Variants in MACROD2 observed in about 807,000 individuals in gnomAD.
The protein encoded by MACROD2 is mono-ADP ribosylhydrolase 2, also known as ADP-ribose glycohydrolase MACROD2.
Under a neutral mutation model 70.4 loss-of-function variants are expected in MACROD2, and 36 were observed. The ratio of observed to expected loss-of-function variants is 0.51; its 90% CI spans 0.39 to 0.68. MACROD2 has a LOEUF of 0.68. Ranked by LOEUF, MACROD2 falls within the 30% of genes least tolerant of loss-of-function variation. The probability of loss-of-function intolerance (pLI) is 0.00; values close to 1 mark genes in which losing one functional copy is unlikely to be tolerated. For synonymous variants in MACROD2, 172 were observed against 178.8 expected (o/e 0.96, Z 0.30); for missense variants, 496 against 538.4 (o/e 0.92, Z 0.78).
chr20:15,100,185 C>A (rs1436183936), intron 5 of MACROD2, among the ~76,000 whole-genome samples: 1 of 152,084 alleles, frequency 6.6e-6, no homozygotes, highest in Admixed American at 6.6e-5. Flanking sequence ...AATCCTCCTG[C>A]CTTGGCCTCC....
rs1339800015 is a variant in MACROD2 at position 14,084,084 on chromosome 20, A to AC, written c.164-1537_164-1536insC. 2.0e-5 allele frequency among the ~76,000 whole-genome samples: 3 copies of AC among 147,724 alleles called. 1 individual carries two copies. The highest frequency in any genetic ancestry group is 7.4e-5 in the African/African-American group (3 of 40,424). On this transcript the variant is annotated intron_variant, in intron 2 of 17. Coordinates refer to ENST00000684519, the MANE Select transcript of MACROD2 (RefSeq NM_001351661.2). ...CTCAAAAAAAAACAAAAAACAAACA[A>AC]AAAAAAACCTTCCGGGAGAGAAGCG...
intron 6 of MACROD2, among the ~76,000 whole-genome samples, chr20:15,353,102 A>G (rs2078246306): frequency 6.6e-6 from 1 of 151,992 alleles, no homozygotes; most frequent in Non-Finnish European, 1.5e-5. Flanking sequence ...ACTTCAAACT[A>G]TACTACAAGG....
intron 4 of MACROD2, among the ~76,000 whole-genome samples, chr20:14,517,844 A>G (rs2085119967): frequency 6.6e-6 from 1 of 151,980 alleles, no homozygotes; most frequent in Admixed American, 6.6e-5. Context: ...TTTCTGGTAT[A>G]TATTTTCTGG....
intron 8 of MACROD2, among the ~76,000 whole-genome samples, chr20:15,525,184 T>C (rs1483146858): frequency 6.6e-6 from 1 of 152,224 alleles, no homozygotes; most frequent in Non-Finnish European, 1.5e-5. Context: ...AGAAAGGAAC[T>C]CTTGTTACCT....
At chr20:14,174,094 G>T (rs945995483) in intron 3 of MACROD2, among the ~76,000 whole-genome samples, 1 of 152,094 alleles carries the variant, frequency 6.6e-6, no homozygotes, top group African/African-American at 2.4e-5. Context: ...TTTTGTGTTG[G>T]TTTGCCTCCA....
At chr20:15,716,180 T>G (rs1391729555) in intron 8 of MACROD2, among the ~76,000 whole-genome samples, 3 of 152,180 alleles carry the variant, frequency 2.0e-5, no homozygotes, top group Non-Finnish European at 2.9e-5. Context: ...TTTAAAAATT[T>G]GTCCCAAATA....
intron 10 of MACROD2, among the ~76,000 whole-genome samples, chr20:15,896,173 A>T (rs1159643985): frequency 6.6e-6 from 1 of 152,070 alleles, no homozygotes; most frequent in East Asian, 1.9e-4. Context: ...TGGTCATTTC[A>T]TATTTTTTTA....
At chr20:15,976,605 A>C (rs1299795714) in intron 13 of MACROD2, among the ~76,000 whole-genome samples, 2 of 152,222 alleles carry the variant, frequency 1.3e-5, no homozygotes, top group Non-Finnish European at 2.9e-5. Context: ...TCATTAACAC[A>C]CAGCAGGCCT....
At chr20:15,147,120 A>T (rs74662770) in intron 5 of MACROD2, among the ~76,000 whole-genome samples, 10 of 152,202 alleles carry the variant, frequency 6.6e-5, no homozygotes, top group African/African-American at 2.4e-4. Context: ...ATCAGAGTAG[A>T]AAAAAGTGAG....
intron 7 of MACROD2, among the ~76,000 whole-genome samples, chr20:15,484,211 T>C (rs2047136302): frequency 1.3e-5 from 2 of 152,190 alleles, no homozygotes; most frequent in Admixed American, 1.3e-4. Context: ...TTTTGCTTTT[T>C]TCTTTTAGTA....
intron 4 of MACROD2, among the ~76,000 whole-genome samples, chr20:14,590,696 A>G (rs1236454184): frequency 3.9e-5 from 6 of 152,036 alleles, no homozygotes; most frequent in Non-Finnish European, 5.9e-5. Context: ...TCTTTTCTCT[A>G]CTGTAAGCAA....
chr20:15,456,355 A>C (rs559870308), intron 7 of MACROD2, among the ~76,000 whole-genome samples: 1 of 152,226 alleles, frequency 6.6e-6, no homozygotes, highest in Non-Finnish European at 1.5e-5. Context: ...AGCAGTTTGG[A>C]GTTCTCTTCT....
chr20:14,862,899 A>G (rs2073387298), intron 5 of MACROD2, among the ~76,000 whole-genome samples: 1 of 150,044 alleles, frequency 6.7e-6, no homozygotes, highest in African/African-American at 2.5e-5. Flanking sequence ...GTACATTCCT[A>G]TATGGGAGCC....
At chr20:15,479,108 T>G (rs2047060030) in intron 7 of MACROD2, among the ~76,000 whole-genome samples, 1 of 152,190 alleles carries the variant, frequency 6.6e-6, no homozygotes, top group African/African-American at 2.4e-5. Context: ...ATTAGATTAA[T>G]GCTCACAAAT....
At chr20:15,703,794 G>A (rs935833452) in intron 8 of MACROD2, among the ~76,000 whole-genome samples, 4 of 152,148 alleles carry the variant, frequency 2.6e-5, no homozygotes, top group Non-Finnish European at 4.4e-5. Flanking sequence ...TGGCAAATTG[G>A]TGCTGGTATT....
In MACROD2 at chr20:15,658,627, C is replaced by T. The variant is rs538686830; in HGVS notation, c.645+158780C>T. The stretch of plus-strand genomic sequence containing the variant: ...TGTCAGAATCTCCCTGCAGCAGCTT[C>T]CTCCATCACCGACTGAGCAGGGCTA... On this transcript the variant is annotated intron_variant, in intron 8 of 17. Coordinates refer to ENST00000684519, the MANE Select transcript of MACROD2 (RefSeq NM_001351661.2). Among the ~76,000 whole-genome samples the T allele has an allele frequency of 2.0e-3, 312 of 152,296 alleles. 1 individual carries two copies. The highest frequency in any genetic ancestry group is 3.5e-3 in the Non-Finnish European group (235 of 68,030).
At chr20:14,351,627 T>C (rs1475216421) in intron 3 of MACROD2, among the ~76,000 whole-genome samples, 2 of 152,202 alleles carry the variant, frequency 1.3e-5, no homozygotes, top group African/African-American at 4.8e-5. Flanking sequence ...TCAGTTCTAA[T>C]AGTTTTTGGT....
intron 5 of MACROD2, among the ~76,000 whole-genome samples, chr20:14,746,217 C>G (rs1466522452): frequency 2.0e-5 from 3 of 152,102 alleles, no homozygotes; most frequent in African/African-American, 7.2e-5. Context: ...TTTTCACTAC[C>G]AGGAATTTCC....
At chr20:15,993,977 T>A (rs2147486679) in intron 15 of MACROD2, among the ~76,000 whole-genome samples, 1 of 152,222 alleles carries the variant, frequency 6.6e-6, no homozygotes, top group Non-Finnish European at 1.5e-5. Flanking sequence ...CACCCAACCT[T>A]CCACCCCAGT....
Sources: allele counts gnomAD v4.1 joint callset (sites outside exome capture counted in the v4.1 genomes callset), GRCh38; gene constraint gnomAD v4.1.1; transcripts MANE v1.5; gene names NCBI Gene and HGNC (gene_info 2026-07-23, HGNC 2026-07-21).